Variants in ULK4 observed in about 807,000 individuals in gnomAD.
ULK4 encodes unc-51 like kinase 4, also known as inactive serine/threonine-protein kinase ULK4.
Under a neutral mutation model 160.6 loss-of-function variants are expected in ULK4, and 133 were observed. The ratio of observed to expected loss-of-function variants is 0.83; its 90% confidence interval spans 0.72 to 0.96. The LOEUF (loss-of-function observed/expected upper bound fraction) is 0.96, where lower values mean the gene tolerates loss of function less well. Ranked by LOEUF, ULK4 falls within the 40% of genes least tolerant of loss-of-function variation. The probability of loss-of-function intolerance (pLI) is 0.00; values close to 1 mark genes in which losing one functional copy is unlikely to be tolerated. For synonymous variants in ULK4, 534 were observed against 539.8 expected (o/e 0.99, Z 0.15); for missense variants, 1,580 against 1,499.5 (o/e 1.05, Z -0.89).
At chr3:41,336,161 C>T (rs188985199) in intron 35 of ULK4, among the ~76,000 whole-genome samples, 11 of 152,274 alleles carry the variant, frequency 7.2e-5, no homozygotes, top group East Asian at 3.9e-4. Context: ...TCACCATCCC[C>T]GGCAACATGT....
intron 35 of ULK4, among the ~76,000 whole-genome samples, chr3:41,280,921 A>G (rs969102514): frequency 1.3e-5 from 2 of 152,238 alleles, no homozygotes; most frequent in African/African-American, 4.8e-5. Flanking sequence ...AGACTAATAA[A>G]GAAGAAAAGA....
intron 35 of ULK4, among the ~76,000 whole-genome samples, chr3:41,306,142 C>A (rs1208431158): frequency 1.2e-5 from 1 of 80,116 alleles, no homozygotes; most frequent in African/African-American, 6.2e-5. Flanking sequence ...GGGGGGGGGT[C>A]AGCCCCCCGC....
At chr3:41,559,113 G>T (rs1048756036) in intron 32 of ULK4, among the ~76,000 whole-genome samples, 1 of 149,918 alleles carries the variant, frequency 6.7e-6, no homozygotes, top group Non-Finnish European at 1.5e-5. Context: ...ACCTATGAGT[G>T]AGAATATGCA....
chr3:41,565,984 A>G (rs2087767871), intron 32 of ULK4, 41 bp downstream of exon 32: 1 of 1,513,844 alleles, frequency 6.6e-7, no homozygotes, highest in South Asian at 1.1e-5. Context: ...AGAAATGAAT[A>G]GGCAAAACTT....
chr3:41,331,022 G>C (rs995899862), intron 35 of ULK4, among the ~76,000 whole-genome samples: 5 of 152,192 alleles, frequency 3.3e-5, no homozygotes, highest in Admixed American at 2.0e-4. Context: ...CACCAAAGCA[G>C]CTTCAAGGCC....
At chr3:41,591,074 A>T (rs2031266849) in intron 31 of ULK4, among the ~76,000 whole-genome samples, 1 of 152,182 alleles carries the variant, frequency 6.6e-6, no homozygotes, top group Non-Finnish European at 1.5e-5. Flanking sequence ...GACAATCAGA[A>T]AAGAGAGGAA....
At chr3:41,773,737 G>C (rs1196264000) in intron 21 of ULK4, among the ~76,000 whole-genome samples, 1 of 152,052 alleles carries the variant, frequency 6.6e-6, no homozygotes, top group Non-Finnish European at 1.5e-5. Flanking sequence ...AGTTCATATG[G>C]AACCAAAAAA....
chr3:41,510,867 A>G (rs540694103), intron 32 of ULK4, among the ~76,000 whole-genome samples: 1 of 152,322 alleles, frequency 6.6e-6, no homozygotes, highest in Admixed American at 6.5e-5. Flanking sequence ...AAATGCCTAC[A>G]TCAAAAAGTC....
intron 19 of ULK4, among the ~76,000 whole-genome samples, chr3:41,806,924 G>A (rs2040659966): frequency 6.6e-6 from 1 of 152,084 alleles, no homozygotes; most frequent in South Asian, 2.1e-4. Context: ...ATGGCAGGTG[G>A]ATTGCTTGAG....
intron 31 of ULK4, among the ~76,000 whole-genome samples, chr3:41,597,254 C>T (rs911348956): frequency 1.3e-5 from 2 of 152,136 alleles, no homozygotes; most frequent in Non-Finnish European, 2.9e-5. Context: ...CTTGCTCTCT[C>T]GAAGCTGGAC....
chr3:41,715,719 C>T (rs1313309606), intron 23 of ULK4, 151 bp from the exon 24 acceptor site: 1 of 984,668 alleles, frequency 1.0e-6, no homozygotes, highest in Non-Finnish European at 1.5e-6. Context: ...ACTGAAATTA[C>T]AACAGACACT....
At chr3:41,467,921 T>G (rs1423713306) in intron 32 of ULK4, among the ~76,000 whole-genome samples, 1 of 152,214 alleles carries the variant, frequency 6.6e-6, no homozygotes, top group Non-Finnish European at 1.5e-5. Context: ...TACCTTTTAC[T>G]GCATATAAAA....
At chr3:41,442,162 G>T (rs1397192001) in intron 34 of ULK4, among the ~76,000 whole-genome samples, 1 of 152,194 alleles carries the variant, frequency 6.6e-6, no homozygotes, top group Non-Finnish European at 1.5e-5. Flanking sequence ...ACTGTTAGCT[G>T]ATGGGAAAGG....
chr3:41,324,785 A>G (rs561572160), intron 35 of ULK4, among the ~76,000 whole-genome samples: 55 of 152,324 alleles, frequency 3.6e-4, no homozygotes, highest in African/African-American at 1.3e-3. Context: ...CATCACAGGC[A>G]ATACAACGGC....
intron 35 of ULK4, among the ~76,000 whole-genome samples, chr3:41,361,521 A>G (rs1332912483): frequency 6.6e-6 from 1 of 152,222 alleles, no homozygotes; most frequent in Non-Finnish European, 1.5e-5. Context: ...TGTTGGACAT[A>G]CAAATAAAAC....
chr3:41,466,071 T>C (rs1285955662), intron 32 of ULK4, among the ~76,000 whole-genome samples: 1 of 152,186 alleles, frequency 6.6e-6, no homozygotes, highest in Non-Finnish European at 1.5e-5. Context: ...TTTCAATCAC[T>C]ATTCATTTGT....
chr3:41,284,658 G>GA (rs1225741987), intron 35 of ULK4, among the ~76,000 whole-genome samples: 1 of 152,046 alleles, frequency 6.6e-6, no homozygotes, highest in Non-Finnish European at 1.5e-5. Flanking sequence ...GATAACATTA[G>GA]AAAAAACCAT....
intron 6 of ULK4, 52 bp from the exon 7 acceptor site, chr3:41,918,592 ATTCTTT>A (rs1699055279): frequency 7.8e-6 from 5 of 637,382 alleles, no homozygotes; most frequent in African/African-American, 2.1e-5. Context: ...ATCACCAATA[ATTCTTT>A]TTTTTTTTTT....
intron 30 of ULK4, 45 bp downstream of exon 30, chr3:41,663,561 AT>A (rs2035253902): frequency 6.6e-7 from 1 of 1,508,480 alleles, no homozygotes; most frequent in African/African-American, 1.4e-5. Context: ...CATAAAATTC[AT>A]TTTATAGGTG....
Sources: gnomAD v4.1 joint callset for allele counts (sites outside exome capture counted in the v4.1 genomes callset) on GRCh38, gnomAD v4.1.1 for gene constraint, MANE v1.5 for transcripts, NCBI Gene and HGNC (gene_info 2026-07-23, HGNC 2026-07-21) for gene names.